Variants in SND1 observed in about 807,000 individuals in gnomAD.
SND1 encodes the protein staphylococcal nuclease domain-containing protein 1.
Under a neutral mutation model 121.7 loss-of-function variants are expected in SND1, and 38 were observed. The ratio of observed to expected loss-of-function variants is 0.31; its 90% CI spans 0.24 to 0.41. The LOEUF (loss-of-function observed/expected upper bound fraction) is 0.41. SND1 is among the 10% of genes least tolerant of loss of function. SND1 has a pLI of 1.00. For missense variants in SND1, 868 were observed against 1,184.6 expected (o/e 0.73, Z 3.92); for synonymous variants, 401 against 447.4 (o/e 0.90, Z 1.31).
At chr7:127,893,736 A>G (rs1328363195) in intron 13 of SND1, among the ~76,000 whole-genome samples, 1 of 152,078 alleles carries the variant, frequency 6.6e-6, no homozygotes, top group East Asian at 1.9e-4. Context: ...TGCCTGGCAC[A>G]CTGCAGATTT....
At chr7:128,073,250 C>A (rs1793444925) in intron 16 of SND1, among the ~76,000 whole-genome samples, 2 of 152,206 alleles carry the variant, frequency 1.3e-5, no homozygotes, top group Non-Finnish European at 2.9e-5. Context: ...ATGGACTGGA[C>A]CTATATGTTC....
At chr7:128,091,527 TGG>T (rs1281179410) in intron 22 of SND1, among the ~76,000 whole-genome samples, 2 of 152,072 alleles carry the variant, frequency 1.3e-5, no homozygotes, top group Non-Finnish European at 2.9e-5. Flanking sequence ...TAATTTTAAA[TGG>T]GGTTGCCCGA....
intron 1 of SND1, among the ~76,000 whole-genome samples, chr7:127,664,239 G>C (rs939498746): frequency 6.6e-6 from 1 of 152,172 alleles, no homozygotes; most frequent in African/African-American, 2.4e-5. Context: ...ACCTCCCAAA[G>C]TGTTGGGATT....
intron 16 of SND1, among the ~76,000 whole-genome samples, chr7:128,017,077 C>G (rs998764468): frequency 6.6e-6 from 1 of 152,232 alleles, no homozygotes; most frequent in African/African-American, 2.4e-5. Flanking sequence ...CTACCACCCC[C>G]ACACCCCCTG....
chr7:128,038,235 A>G (rs1256370280), intron 16 of SND1, among the ~76,000 whole-genome samples: 1 of 152,236 alleles, frequency 6.6e-6, no homozygotes, highest in Non-Finnish European at 1.5e-5. Flanking sequence ...GACTAATACA[A>G]AATTTGCCAC....
chr7:127,772,776 C>T (rs1194109997), intron 10 of SND1, among the ~76,000 whole-genome samples: 1 of 152,044 alleles, frequency 6.6e-6, no homozygotes, highest in East Asian at 1.9e-4. Context: ...TCTTATGAAA[C>T]AGTGACATTT....
intron 12 of SND1, among the ~76,000 whole-genome samples, chr7:127,881,588 G>A (rs541243646): frequency 3.6e-4 from 55 of 152,206 alleles, no homozygotes; most frequent in Non-Finnish European, 4.7e-4. Flanking sequence ...TATTGTCCCC[G>A]TTGAAATATG....
At chr7:127,709,518 A>C (rs1184518789) in intron 9 of SND1, among the ~76,000 whole-genome samples, 1 of 152,214 alleles carries the variant, frequency 6.6e-6, no homozygotes, top group Non-Finnish European at 1.5e-5. Flanking sequence ...TAACTAAAGC[A>C]CTGCATAAGA....
intron 16 of SND1, among the ~76,000 whole-genome samples, chr7:128,045,865 G>A (rs1404027076): frequency 2.6e-5 from 4 of 152,096 alleles, no homozygotes; most frequent in South Asian, 2.1e-4. Context: ...TACACCAATC[G>A]ACAAAGGCAG....
intron 10 of SND1, among the ~76,000 whole-genome samples, chr7:127,751,157 T>C (rs1224229963): frequency 6.6e-6 from 1 of 152,080 alleles, no homozygotes; most frequent in Non-Finnish European, 1.5e-5. Flanking sequence ...TGTGTGTGTG[T>C]GTGTGTGCGC....
intron 16 of SND1, among the ~76,000 whole-genome samples, chr7:128,025,396 T>A (rs1030004492): frequency 1.0e-4 from 10 of 99,934 alleles, no homozygotes; most frequent in African/African-American, 5.0e-4. Flanking sequence ...GGGGCTCAGT[T>A]TCTTTGACTG....
At chr7:127,976,473 T>C (rs374062209) in intron 15 of SND1, among the ~76,000 whole-genome samples, 12 of 152,240 alleles carry the variant, frequency 7.9e-5, no homozygotes, top group African/African-American at 2.4e-4. Context: ...AGCATGACAG[T>C]TGAAATCCTG....
At chr7:127,803,338 A>G (rs1034729711) in intron 10 of SND1, among the ~76,000 whole-genome samples, 1 of 151,648 alleles carries the variant, frequency 6.6e-6, no homozygotes, top group Non-Finnish European at 1.5e-5. Context: ...TTTCCATTTC[A>G]CTTATCCCTA....
At chr7:127,963,369 G>A (rs1234895970) in intron 15 of SND1, among the ~76,000 whole-genome samples, 1 of 143,304 alleles carries the variant, frequency 7.0e-6, no homozygotes, top group African/African-American at 2.6e-5. Context: ...TCGTCATCTA[G>A]CATTAGGTAT....
chr7:127,843,426 C>A (rs1485774897), intron 11 of SND1, among the ~76,000 whole-genome samples: 1 of 152,200 alleles, frequency 6.6e-6, no homozygotes, highest in African/African-American at 2.4e-5. Context: ...TAACTCCTGG[C>A]AACCACTGAT....
At chr7:127,985,398 C>G (rs1050445489) in intron 15 of SND1, among the ~76,000 whole-genome samples, 1 of 152,206 alleles carries the variant, frequency 6.6e-6, no homozygotes, top group Non-Finnish European at 1.5e-5. Flanking sequence ...GCTGGCCCTA[C>G]AGGCGCACAC....
chr7:127,994,101 C>T (rs969947430), intron 16 of SND1, among the ~76,000 whole-genome samples: 60 of 152,318 alleles, frequency 3.9e-4, no homozygotes, highest in African/African-American at 1.4e-3. Context: ...GTCTTTCCAT[C>T]TCATATCTTC....
chr7:128,045,734 C>A (rs1214766786), intron 16 of SND1, among the ~76,000 whole-genome samples: 2 of 152,138 alleles, frequency 1.3e-5, no homozygotes, highest in African/African-American at 4.8e-5. Flanking sequence ...GATATGTCCC[C>A]AGGTCAGAAT....
chr7:127,674,388 A>AT (rs1034713601), intron 1 of SND1, among the ~76,000 whole-genome samples: 7 of 151,708 alleles, frequency 4.6e-5, no homozygotes, highest in Admixed American at 1.3e-4. Flanking sequence ...ATCCAACAGG[A>AT]TTTTTTTTTC....
Sources: allele counts gnomAD v4.1 joint callset (sites outside exome capture counted in the v4.1 genomes callset), GRCh38; gene constraint gnomAD v4.1.1; transcripts MANE v1.5; gene names NCBI Gene and HGNC (gene_info 2026-07-23, HGNC 2026-07-21).